The following GSK3B variants were observed in gnomAD, a reference collection of about 807,000 sequenced individuals.
GSK3B encodes glycogen synthase kinase 3 beta.
In GSK3B, 15 loss-of-function variants were observed where a neutral mutation model predicts 56.4. The observed-to-expected ratio is 0.27, with a 90% CI of 0.18 to 0.41. The LOEUF is 0.41. GSK3B is among the 10% of genes least tolerant of loss of function. The probability of loss-of-function intolerance (pLI) is 1.00; values close to 1 mark genes in which losing one functional copy is unlikely to be tolerated. For missense variants in GSK3B, 300 were observed against 513.4 expected (o/e 0.58, Z 4.02); for synonymous variants, 181 against 188.9 (o/e 0.96, Z 0.34).
intron 1 of GSK3B, among the ~76,000 whole-genome samples, chr3:120,021,348 A>G (rs1173416548): frequency 6.0e-5 from 9 of 149,636 alleles, no homozygotes. Flanking sequence ...TACTAAAAAT[A>G]CAAAAAAAAA....
Position 119,964,819 on chromosome 3 carries a change from T to C in GSK3B, c.283-17468A>G, listed in dbSNP as rs746362026. Among the ~76,000 whole-genome samples, 116 of 152,246 alleles carry C rather than the reference T, an allele frequency of 7.6e-4. No individual in the cohort carries two copies. The Middle Eastern group carries it at 0.014, about 18-fold the overall frequency. ...GGCATAATGAAACTTTTGGAGGCAA[T>C]AGATATATGTTTATTATCTTGGCTG... On this transcript the variant is annotated intron_variant, in intron 2 of 10. Coordinates refer to ENST00000264235, the MANE Select transcript of GSK3B (RefSeq NM_001146156.2).
intron 6 of GSK3B, among the ~76,000 whole-genome samples, chr3:119,908,682 C>T (rs1426335805): frequency 6.6e-6 from 1 of 152,126 alleles, no homozygotes; most frequent in East Asian, 1.9e-4. Context: ...TGCTCTCTAC[C>T]CTCTGGTAAA....
intron 10 of GSK3B, among the ~76,000 whole-genome samples, chr3:119,827,236 T>C (rs766440808): frequency 6.6e-6 from 1 of 152,190 alleles, no homozygotes; most frequent in Non-Finnish European, 1.5e-5. Flanking sequence ...TGAACCATGT[T>C]ACAATATGCC....
intron 1 of GSK3B, among the ~76,000 whole-genome samples, chr3:120,041,004 G>C (rs1212956762): frequency 6.6e-6 from 1 of 152,090 alleles, no homozygotes; most frequent in Non-Finnish European, 1.5e-5. Context: ...AGCTTTTGTA[G>C]GGTGGGCAGC....
At chr3:119,850,247 A>AG (rs1559807289) in intron 9 of GSK3B, among the ~76,000 whole-genome samples, 1 of 152,150 alleles carries the variant, frequency 6.6e-6, no homozygotes, top group African/African-American at 2.4e-5. Flanking sequence ...CAAGATGTGA[A>AG]GGGGGGTACT....
intron 1 of GSK3B, among the ~76,000 whole-genome samples, chr3:120,040,056 AG>A (rs2058052864): frequency 6.6e-6 from 1 of 152,254 alleles, no homozygotes; most frequent in Non-Finnish European, 1.5e-5. Flanking sequence ...ACAGGCCGGC[AG>A]CTCGGGGAAA....
intron 9 of GSK3B, among the ~76,000 whole-genome samples, chr3:119,849,137 T>C (rs2055894525): frequency 6.6e-6 from 1 of 152,226 alleles, no homozygotes; most frequent in South Asian, 2.1e-4. Context: ...ATGTGGTTTT[T>C]ATTCTAAAGA....
intron 2 of GSK3B, among the ~76,000 whole-genome samples, chr3:119,984,231 C>T (rs926013231): frequency 6.6e-6 from 1 of 152,022 alleles, no homozygotes; most frequent in Non-Finnish European, 1.5e-5. Flanking sequence ...ATTTATAGCA[C>T]TAAATGGCCA....
At chr3:119,979,137 C>A (rs1175092876) in intron 2 of GSK3B, among the ~76,000 whole-genome samples, 5 of 152,166 alleles carry the variant, frequency 3.3e-5, no homozygotes, top group African/African-American at 4.8e-5. Flanking sequence ...TAGATAATGG[C>A]AGCCCATGGT....
At chr3:120,050,073 A>T (rs2058135796) in intron 1 of GSK3B, among the ~76,000 whole-genome samples, 1 of 152,212 alleles carries the variant, frequency 6.6e-6, no homozygotes. Context: ...AAAATGACAA[A>T]GAAGCTCAAA....
At chr3:119,847,648 T>C (rs2055874077) in intron 9 of GSK3B, among the ~76,000 whole-genome samples, 1 of 152,182 alleles carries the variant, frequency 6.6e-6, no homozygotes, top group Non-Finnish European at 1.5e-5. Flanking sequence ...TAAAATTATG[T>C]CTGAGAACTA....
In GSK3B at chr3:120,047,551, C is replaced by T. The variant is rs570564967; in HGVS notation, c.89-45312G>A. Among the ~76,000 whole-genome samples, 10 of 152,262 alleles carry T rather than the reference C, an allele frequency of 6.6e-5. No individual in the cohort carries two copies. The East Asian group carries it at 1.9e-3, about 29-fold the overall frequency. ...CTAAGATTTATGATCTATCCTCAAGCAACTAGTACATAAAATAGCATCTGT... is the reference window on the plus strand; with the variant it reads ...CTAAGATTTATGATCTATCCTCAAGTAACTAGTACATAAAATAGCATCTGT... On this transcript the variant is annotated intron_variant, in intron 1 of 10. Transcript: ENST00000264235.
intron 3 of GSK3B, among the ~76,000 whole-genome samples, chr3:119,926,454 T>C (rs1483805440): frequency 6.6e-6 from 1 of 152,170 alleles, no homozygotes; most frequent in Non-Finnish European, 1.5e-5. Context: ...TCATCTTCAC[T>C]GGTAGAACCC....
chr3:119,989,970 G>C (rs2057549090), intron 2 of GSK3B, among the ~76,000 whole-genome samples: 1 of 152,012 alleles, frequency 6.6e-6, no homozygotes, highest in South Asian at 2.1e-4. Context: ...CAAATTATAG[G>C]GTCTGGATTG....
Position 119,824,664 on chromosome 3 carries a change from C to T in GSK3B, c.*2124G>A, listed in dbSNP as rs536612926. The T allele has an allele frequency of 1.0e-5, 2 of 197,098 alleles. No homozygotes were observed. Among genetic ancestry groups the T allele is most frequent in the East Asian group, 1.6e-4 (2 of 12,762 alleles). The allele number at this position is 197,098 out of a possible 1,614,324, so 12.2% of individuals were successfully genotyped here. A position where few individuals can be genotyped will look rare whatever the true frequency, so the allele number is the denominator to read the frequency against. ...CTTTGATTTCAGACTTCTTTCAAAT[C>T]TTAGCTTTCAGAAGCACTTTATAAA... On this transcript the variant is annotated 3_prime_UTR_variant, in exon 11 of 11. Transcript: ENST00000264235.
chr3:119,935,475 A>G (rs2056984755), intron 3 of GSK3B, among the ~76,000 whole-genome samples: 1 of 152,158 alleles, frequency 6.6e-6, no homozygotes, highest in Non-Finnish European at 1.5e-5. Context: ...ACCTAATCAT[A>G]TATGAACCCA....
At chr3:119,918,183 G>C (rs1327700655) in intron 4 of GSK3B, among the ~76,000 whole-genome samples, 1 of 151,962 alleles carries the variant, frequency 6.6e-6, no homozygotes, top group Non-Finnish European at 1.5e-5. Context: ...TAAATAGCTT[G>C]GTGGAGGCCG....
At chr3:119,958,914 A>C (rs2057242629) in intron 2 of GSK3B, among the ~76,000 whole-genome samples, 1 of 152,100 alleles carries the variant, frequency 6.6e-6, no homozygotes, top group Admixed American at 6.5e-5. Context: ...AATTCTCCTT[A>C]CTCAGGAGAA....
intron 10 of GSK3B, among the ~76,000 whole-genome samples, chr3:119,836,056 G>C (rs894085546): frequency 2.5e-4 from 38 of 152,260 alleles, no homozygotes; most frequent in African/African-American, 8.4e-4. Flanking sequence ...AGGAATTCTG[G>C]GGTGAAAATA....
Sources: gnomAD v4.1 joint callset for allele counts (sites outside exome capture counted in the v4.1 genomes callset) on GRCh38, gnomAD v4.1.1 for gene constraint, MANE v1.5 for transcripts, NCBI Gene and HGNC (gene_info 2026-07-23, HGNC 2026-07-21) for gene names.